Variants in ZNF318 observed in about 807,000 individuals in gnomAD.
The protein encoded by ZNF318 is zinc finger protein 318, also known as endocrine regulator.
A neutral mutation model predicts 124.2 loss-of-function variants in ZNF318; 51 were observed. The ratio of observed to expected loss-of-function variants is 0.41; its 90% confidence interval spans 0.33 to 0.52. The LOEUF (loss-of-function observed/expected upper bound fraction) is 0.52. Among genes scored for constraint, ZNF318 ranks in the 20% least tolerant of loss-of-function variants. The pLI is 0.23. For synonymous variants in ZNF318, 1,090 were observed against 1,040.7 expected (o/e 1.05, Z -0.91); for missense variants, 2,815 against 2,811.2 (o/e 1.00, Z -0.03).
chr6:43,355,185 G>T lies in ZNF318; in HGVS notation c.2149C>A (p.His717Asn), dbSNP rs1204521177. The T allele has an allele frequency of 6.2e-7, 1 of 1,614,200 alleles. No homozygotes were observed. The highest frequency in any genetic ancestry group is 8.5e-7 in the Non-Finnish European group (1 of 1,180,036). ...GGTCCTGAAATATGACCCACTGGAT[G>T]GTCAGACTTTAGGAATGGAGGGCTG... The part of the protein sequence containing the change: ...KNSPPFLKSD[H>N]PVGHISGPEV... Residue 717 changes from histidine to asparagine, a missense_variant, in exon 4 of 10, where the codon CAT (histidine) becomes AAT (asparagine). His to Asn is a moderately conservative substitution (Grantham distance 68). Transcript: ENST00000361428.
chr6:43,357,323 GCTC>G lies in ZNF318; in HGVS notation c.988_990del (p.Glu330del), dbSNP rs756114967. 19 of 1,613,914 alleles carry G rather than the reference GCTC, an allele frequency of 1.2e-5. No individual in the cohort carries two copies. The highest frequency in any genetic ancestry group is 1.7e-5 in the Admixed American group (1 of 59,984). On this transcript the variant is annotated inframe_deletion, in exon 3 of 10. Transcript: ENST00000361428. The stretch of plus-strand genomic sequence containing the variant: ...AGCTCCTGACTCAAGCTCCTACTTC[GCTC>G]CTCCTCTTCCTCTCGCTTTCGTCTG...
Position 43,337,809 on chromosome 6 carries a change from T to G in ZNF318, c.6189A>C (p.Glu2063Asp), listed in dbSNP as rs770401522. The G allele has an allele frequency of 6.2e-7, 1 of 1,614,128 alleles. No homozygotes were observed. The highest frequency in any genetic ancestry group is 8.5e-7 in the Non-Finnish European group (1 of 1,180,030). ...GCNSSDPADF[E>D]PIPSFSGFPL... ...GAAACCCAGAAAAAGATGGGATTGG[T>G]TCGAAGTCAGCGGGATCGGAGGAAT... The change falls in exon 10 of 10, where the codon GAA becomes GAC. Residue 2063 changes from glutamate to aspartate, a missense_variant. Transcript: ENST00000361428.
At position 43,355,600 on chromosome 6, in the gene ZNF318, C is replaced by T. The variant is rs1186950431; in HGVS notation, c.1734G>A (p.Lys578=). 1.2e-6 allele frequency: 2 copies of T among 1,614,194 alleles called. No homozygotes were observed. The highest frequency in any genetic ancestry group is 2.2e-5 in the South Asian group (2 of 91,086). Residue 578 remains lysine, a synonymous_variant, in exon 4 of 10, where the codon AAG becomes AAA. Coordinates refer to ENST00000361428, the MANE Select transcript of ZNF318 (RefSeq NM_014345.3). ...GATTGGTCTCTTCTAGTGATTCTAG[C>T]TTTACAGCTGGAGCTGAAGACGGCA... ...SSLPSSAPAV[K]LESLEETNPE... is the part of the protein sequence containing the mutation.
In ZNF318 at chr6:43,355,994, T is replaced by C. The variant is rs761418296; in HGVS notation, c.1340A>G (p.Gln447Arg). 6.8e-6 allele frequency: 11 copies of C among 1,614,090 alleles called. No homozygotes were observed. Among genetic ancestry groups the C allele is most frequent in the Non-Finnish European group, 7.6e-6 (9 of 1,180,050 alleles). ...TMVETALKEP[Q>R]GNLYQWGPLP... Reference sequence around the variant, plus strand: ...GGGACCCCATTGGTAGAGGTTGCCCTGAGGTTCCTTCAAGGCAGTCTCTAC... The same window carrying C: ...GGGACCCCATTGGTAGAGGTTGCCCCGAGGTTCCTTCAAGGCAGTCTCTAC... Residue 447 changes from glutamine to arginine, a missense_variant, in exon 4 of 10, where the codon CAG becomes CGG. Around this residue, in one of 4 missense-constraint regions of ZNF318, gnomAD observed 1,377 missense variants for 1,353.5 expected, o/e 1.02. Coordinates refer to ENST00000361428, the MANE Select transcript of ZNF318 (RefSeq NM_014345.3).
intron 4 of ZNF318, among the ~76,000 whole-genome samples, chr6:43,353,660 CA>C (rs1483450619): frequency 1.3e-5 from 2 of 152,194 alleles, no homozygotes; most frequent in African/African-American, 4.8e-5. Flanking sequence ...AGGCATGAGC[CA>C]CCACGCCCAG....
chr6:43,336,235 T>C lies in ZNF318; in HGVS notation c.*923A>G, dbSNP rs550954884. 46 of 152,710 alleles carry C rather than the reference T, an allele frequency of 3.0e-4. 2 individuals are homozygous for C. Among genetic ancestry groups the C allele is most frequent in the African/African-American group, 1.0e-3 (43 of 41,572 alleles). The allele number at this position is 152,710 out of a possible 1,614,324, so 9.5% of individuals were successfully genotyped here. A position where few individuals can be genotyped will look rare whatever the true frequency, so the allele number is the denominator to read the frequency against. ...AGGAGGAGGTAGAGGAAAGGATACA[T>C]ATGGGTTTGTGGAACAGGGAATGAG... On this transcript the variant is annotated 3_prime_UTR_variant, in exon 10 of 10. Coordinates refer to ENST00000361428, the MANE Select transcript of ZNF318 (RefSeq NM_014345.3).
chr6:43,348,319 G>A lies in ZNF318; in HGVS notation c.3072+5C>T. 1 of 1,598,456 alleles carries A rather than the reference G, an allele frequency of 6.3e-7. No individual in the cohort carries two copies. Among genetic ancestry groups the A allele is most frequent in the Non-Finnish European group, 8.5e-7 (1 of 1,174,094 alleles). On this transcript the variant is annotated splice_donor_5th_base_variant and intron_variant, in intron 6 of 9. Coordinates refer to ENST00000361428, the MANE Select transcript of ZNF318 (RefSeq NM_014345.3). ...ATGATAGAAATGGAAAAATTGAGTT[G>A]TTACCTTGTTGGAGGAGGAGTTTGA... is the stretch of plus-strand genomic sequence containing the variant.
At chr6:43,353,011 T>C (rs1433838425) in intron 4 of ZNF318, among the ~76,000 whole-genome samples, 2 of 152,194 alleles carry the variant, frequency 1.3e-5, no homozygotes. Flanking sequence ...AAGCTCATGA[T>C]CTTTCAACTA....
rs1182161740 is a variant in ZNF318, at chr6:43,356,010, C to T, written c.1324G>A (p.Ala442Thr). 1.2e-6 allele frequency: 2 copies of T among 1,614,184 alleles called. No homozygotes were observed. The highest frequency in any genetic ancestry group is 1.7e-5 in the Admixed American group (1 of 60,020). The change falls in exon 4 of 10, where the codon GCC (alanine) becomes ACC (threonine). Residue 442 changes from alanine (A) to threonine (T), a missense_variant. Ala to Thr is a moderately conservative substitution (Grantham distance 58). This residue lies in a region of ZNF318 where 1,377 missense variants were observed against 1,353.5 expected (regional missense o/e 1.02). Coordinates refer to ENST00000361428, the MANE Select transcript of ZNF318 (RefSeq NM_014345.3). ...AGGTTGCCCTGAGGTTCCTTCAAGG[C>T]AGTCTCTACCATAGTCCCCTTGTTT... ...IENKGTMVET[A>T]LKEPQGNLYQ...
In ZNF318 at chr6:43,340,065, T is replaced by A; in HGVS notation, c.3933A>T (p.Lys1311Asn). 1.2e-6 allele frequency: 2 copies of A among 1,614,204 alleles called. No homozygotes were observed. The change falls in exon 10 of 10, where the codon AAA becomes AAT. Residue 1311 changes from lysine to asparagine, a missense_variant. Physicochemically the swap from Lys to Asn is moderately conservative, Grantham distance 94. Coordinates refer to ENST00000361428, the MANE Select transcript of ZNF318 (RefSeq NM_014345.3). ...LESSKDKEDG[K>N]TEAGKAKPIK... Reference sequence around the variant, plus strand: ...TAGGCTTTGCCTTCCCAGCTTCAGTTTTGCCATCCTCTTTGTCCTTACTAC... The same window carrying A: ...TAGGCTTTGCCTTCCCAGCTTCAGTATTGCCATCCTCTTTGTCCTTACTAC...
intron 1 of ZNF318, chr6:43,368,759 G>C (rs1015188266): frequency 1.0e-6 from 1 of 985,338 alleles, no homozygotes; most frequent in African/African-American, 1.7e-5. Flanking sequence ...GCGCACTCCC[G>C]ACGAGACGCC....
In ZNF318 at chr6:43,342,037, A is replaced by G; in HGVS notation, c.3376+75T>C. The G allele has an allele frequency of 2.3e-6, 3 of 1,302,232 alleles. No homozygotes were observed. In the South Asian group the frequency reaches 3.6e-5, roughly 16 times the overall value. The allele number at this position is 1,302,232 out of a possible 1,614,324, so 80.7% of individuals were successfully genotyped here. On this transcript the variant is annotated intron_variant, in intron 8 of 9. Transcript: ENST00000361428. ...GCTGTCTCATGCTATGCTGCTTCCTACAATGTTAGTTCAGGGACACCTCTT... is the reference window on the plus strand; with the variant it reads ...GCTGTCTCATGCTATGCTGCTTCCTGCAATGTTAGTTCAGGGACACCTCTT...
chr6:43,343,767 T>G (rs1035723314), intron 6 of ZNF318, among the ~76,000 whole-genome samples: 1 of 146,644 alleles, frequency 6.8e-6, no homozygotes, highest in East Asian at 2.0e-4. Flanking sequence ...AGGCGGAGGT[T>G]GCAGTAAGAT....
intron 5 of ZNF318, among the ~76,000 whole-genome samples, chr6:43,351,760 C>CAA (rs373851813): frequency 4.0e-5 from 5 of 125,294 alleles, no homozygotes; most frequent in Non-Finnish European, 3.4e-5. Flanking sequence ...GGCTCCATCT[C>CAA]AAAAAAAAAA....
Position 43,354,827 on chromosome 6 carries a change from C to G in ZNF318, c.2507G>C (p.Arg836Pro). ...KQATRSRPNL[R>P]VIPTVTPDKP... The stretch of plus-strand genomic sequence containing the variant: ...ATCAGGAGTCACAGTGGGGATCACA[C>G]GAAGATTGGGACGGCTACGAGTAGC... The change falls in exon 4 of 10, where the codon CGT becomes CCT. Residue 836 changes from arginine to proline, a missense_variant. Arg to Pro is a moderately radical substitution (Grantham distance 103, BLOSUM62 -2). Around this residue, in one of 4 missense-constraint regions of ZNF318, gnomAD observed 1,377 missense variants for 1,353.5 expected, o/e 1.02. Transcript: ENST00000361428. The G allele has an allele frequency of 6.2e-7, 1 of 1,614,132 alleles. No individual in the cohort carries two copies. The highest frequency in any genetic ancestry group is 8.5e-7 in the Non-Finnish European group (1 of 1,180,028).
At position 43,342,183 on chromosome 6, in the gene ZNF318, G is replaced by A; in HGVS notation, c.3305C>T (p.Ala1102Val). ...CTTGGCCTCACTCTGGGTCTTTGAA[G>A]CCCAAGGTCTGTTGTAGGGATCCAG... ...QTLDPYNRPW[A>V]SKTQSEAKQD... Residue 1102 changes from alanine (A) to valine (V), a missense_variant, in exon 8 of 10, where the codon GCT (alanine) becomes GTT (valine). Physicochemically the swap from Ala to Val is moderately conservative, Grantham distance 64. Around this residue, in one of 4 missense-constraint regions of ZNF318, gnomAD observed 500 missense variants for 605.2 expected, o/e 0.83. Coordinates refer to ENST00000361428, the MANE Select transcript of ZNF318 (RefSeq NM_014345.3). The A allele has an allele frequency of 1.2e-6, 2 of 1,613,596 alleles. No individual in the cohort carries two copies. Among genetic ancestry groups the A allele is most frequent in the South Asian group, 2.2e-5 (2 of 91,052 alleles).
At chr6:43,350,621 T>C (rs1350899221) in intron 5 of ZNF318, among the ~76,000 whole-genome samples, 2 of 151,820 alleles carry the variant, frequency 1.3e-5, no homozygotes, top group Non-Finnish European at 2.9e-5. Context: ...TCAGGAGTTT[T>C]GAGACCAGCC....
chr6:43,369,183 T>C lies in ZNF318; in HGVS notation c.183A>G (p.Ser61=). 4.1e-6 allele frequency: 5 copies of C among 1,211,270 alleles called. No homozygotes were observed. Among genetic ancestry groups the C allele is most frequent in the Non-Finnish European group, 5.1e-6 (5 of 976,556 alleles). The allele number at this position is 1,211,270 out of a possible 1,614,324, so 75.0% of individuals were successfully genotyped here. ...GCGAGGCCCGGCGGCCGCGGTGCCC[T>C]GAGGGCGAGCGGGGTCGGCGAGCCG... The part of the protein sequence containing the change: ...RTPARRPRSP[S]GHRGRRASPS... Residue 61 remains serine, a synonymous_variant, in exon 1 of 10, where the codon TCA becomes TCG. Transcript: ENST00000361428.
In ZNF318 at chr6:43,356,046, A is replaced by C; in HGVS notation, c.1288T>G (p.Ser430Ala). 6.2e-7 allele frequency: 1 copy of C among 1,614,178 alleles called. No individual in the cohort carries two copies. Among genetic ancestry groups the C allele is most frequent in the Non-Finnish European group, 8.5e-7 (1 of 1,180,026 alleles). The stretch of plus-strand genomic sequence containing the variant: ...ATAGTCCCCTTGTTTTCAATCTCTG[A>C]GGCAAAAGCAGCAATAGCACCACTT... ...PLSGAIAAFA[S>A]EIENKGTMVE... Residue 430 changes from serine to alanine, a missense_variant, in exon 4 of 10, where the codon TCA becomes GCA. This residue lies in a region of ZNF318 where 1,377 missense variants were observed against 1,353.5 expected (regional missense o/e 1.02). Coordinates refer to ENST00000361428, the MANE Select transcript of ZNF318 (RefSeq NM_014345.3).
Sources: allele counts gnomAD v4.1 joint callset (sites outside exome capture counted in the v4.1 genomes callset), GRCh38; gene constraint gnomAD v4.1.1; regional missense constraint gnomAD v4.1.1; transcripts MANE v1.5; gene names NCBI Gene and HGNC (gene_info 2026-07-23, HGNC 2026-07-21).